TUBA1C: variants seen among roughly 807,000 people sequenced by gnomAD.
TUBA1C encodes tubulin alpha-1C chain.
A neutral mutation model predicts 34.9 loss-of-function variants in TUBA1C; 16 were observed. That is an observed-to-expected ratio of 0.46 (90% CI 0.31 to 0.70). TUBA1C has a LOEUF of 0.70. Among genes scored for constraint, TUBA1C ranks in the 30% least tolerant of loss-of-function variants. The pLI is 0.05. For synonymous variants in TUBA1C, 177 were observed against 215.9 expected (o/e 0.82, Z 1.58); for missense variants, 329 against 587.3 (o/e 0.56, Z 4.55).
rs141403445 is a variant in TUBA1C, at chr12:49,268,055, A to G, written c.4-1410A>G. Among the ~76,000 whole-genome samples the G allele has an allele frequency of 7.4e-3, 1,122 of 152,296 alleles. 17 individuals are homozygous for G. Among genetic ancestry groups the G allele is most frequent in the African/African-American group, 0.026 (1,081 of 41,544 alleles). ...GCTTTGGCCCCTCTGGCCTTTCTAA[A>G]TTAACTTGGTCCACCTCATAAATAT... On this transcript the variant is annotated intron_variant, in intron 1 of 3. Coordinates refer to ENST00000301072, the MANE Select transcript of TUBA1C (RefSeq NM_032704.5).
intron 3 of TUBA1C, 25 bp from the exon 4 acceptor site, chr12:49,272,206 TAAATGAAACTTTCGCAACACTA>T (rs1227657736): frequency 1.9e-6 from 3 of 1,554,884 alleles, no homozygotes; most frequent in African/African-American, 2.8e-5. Flanking sequence ...ATGTGAACAC[TAAATGAAACTTTCGCAACACTA>T]AAATGAAACT....
intron 1 of TUBA1C, among the ~76,000 whole-genome samples, chr12:49,248,741 G>A (rs757827645): frequency 3.3e-5 from 5 of 151,290 alleles, no homozygotes; most frequent in Non-Finnish European, 5.9e-5. Flanking sequence ...GGTGGCAGGC[G>A]CCTGTAGTCC....
At chr12:49,259,913 T>G (rs1942825822) in intron 1 of TUBA1C, among the ~76,000 whole-genome samples, 1 of 152,174 alleles carries the variant, frequency 6.6e-6, no homozygotes, top group South Asian at 2.1e-4. Context: ...AAGATTATCC[T>G]GAGATTCACA....
chr12:49,265,290 T>A (rs1395992887), intron 1 of TUBA1C, 106 bp downstream of exon 1: 1 of 878,298 alleles, frequency 1.1e-6, no homozygotes, highest in Non-Finnish European at 1.7e-6. Flanking sequence ...AGCTCCAGAC[T>A]ACCCCGGGCC....
chr12:49,260,412 G>A (rs1344160275), upstream of TUBA1C, among the ~76,000 whole-genome samples: 2 of 152,186 alleles, frequency 1.3e-5, no homozygotes, highest in Admixed American at 1.3e-4. Flanking sequence ...AAGAAAATGT[G>A]TAATTTCAGA....
In TUBA1C at chr12:49,236,233, C is replaced by G. The variant is rs190431538; in HGVS notation, c.213+8067C>G. 1.4e-3 allele frequency among the ~76,000 whole-genome samples: 212 copies of G among 152,310 alleles called. 1 individual carries two copies. Among genetic ancestry groups the G allele is most frequent in the African/African-American group, 4.9e-3 (205 of 41,570 alleles). On this transcript the variant is annotated intron_variant, in intron 1 of 3. Transcript: ENST00000541364. Reference sequence around the variant, plus strand: ...TCACATGAGGGTCTAAATGCATTAGCAAACACATTTATACATATACTTCAG... The same window carrying G: ...TCACATGAGGGTCTAAATGCATTAGGAAACACATTTATACATATACTTCAG...
At chr12:49,265,214 G>T (rs367928778) in intron 1 of TUBA1C, 30 bp downstream of exon 1, 1 of 1,584,490 alleles carries the variant, frequency 6.3e-7, no homozygotes. Flanking sequence ...GGCTGGGGAA[G>T]AGTGCGCGTC....
intron 1 of TUBA1C, among the ~76,000 whole-genome samples, chr12:49,247,330 G>A (rs1300800024): frequency 6.6e-6 from 1 of 151,586 alleles, no homozygotes; most frequent in African/African-American, 2.4e-5. Context: ...GCTGAGGTGG[G>A]TGGATCACCT....
At chr12:49,258,596 T>C (rs1023502044) in intron 1 of TUBA1C, among the ~76,000 whole-genome samples, 15 of 151,164 alleles carry the variant, frequency 9.9e-5, no homozygotes, top group African/African-American at 3.7e-4. Context: ...CCTGGCTAAT[T>C]TTTGTGTTTT....
intron 1 of TUBA1C, among the ~76,000 whole-genome samples, chr12:49,266,778 G>A (rs1024964960): frequency 6.6e-6 from 1 of 152,204 alleles, no homozygotes; most frequent in African/African-American, 2.4e-5. Flanking sequence ...GATCCCGGGA[G>A]GTGGAAGCTG....
At chr12:49,247,125 G>T (rs1942678021) in intron 1 of TUBA1C, among the ~76,000 whole-genome samples, 1 of 146,908 alleles carries the variant, frequency 6.8e-6, no homozygotes, top group African/African-American at 2.6e-5. Context: ...AGGCGATAGA[G>T]CAAGACTCCA....
Position 49,273,372 on chromosome 12 carries a change from G to T in TUBA1C, c.*145G>T. ...TTAAATACTTGATCCAGTTAAAGTT[G>T]GATGTATGAGGCTGGTAGATGAAAC... On this transcript the variant is annotated 3_prime_UTR_variant, in exon 4 of 4. Coordinates refer to ENST00000301072, the MANE Select transcript of TUBA1C (RefSeq NM_032704.5). The T allele has an allele frequency of 6.8e-7, 1 of 1,468,750 alleles. No individual in the cohort carries two copies. The highest frequency in any genetic ancestry group is 9.2e-7 in the Non-Finnish European group (1 of 1,081,606). 91.0% of individuals were successfully genotyped at this position (1,468,750 alleles called of 1,614,324 possible).
intron 1 of TUBA1C, chr12:49,257,936 G>T: frequency 5.9e-6 from 1 of 170,000 alleles, no homozygotes. Context: ...TTGGCTCACT[G>T]CAGCCTCCGC....
chr12:49,259,115 C>G (rs1565645974), intron 1 of TUBA1C, among the ~76,000 whole-genome samples: 1 of 152,138 alleles, frequency 6.6e-6, no homozygotes, highest in African/African-American at 2.4e-5. Flanking sequence ...ACCACTGACT[C>G]ACTAAGCAAC....
chr12:49,269,244 G>A (rs1942956013), intron 1 of TUBA1C, among the ~76,000 whole-genome samples: 2 of 151,910 alleles, frequency 1.3e-5, no homozygotes, highest in South Asian at 2.1e-4. Flanking sequence ...TGTATTTTTA[G>A]TAGAGATGCA....
chr12:49,272,647 C>T lies in TUBA1C; in HGVS notation c.770C>T (p.Thr257Ile). Reference sequence around the variant, plus strand: ...AATGTTGACCTGACAGAATTCCAGACCAACCTGGTGCCCTACCCCCGCATC... The same window carrying T: ...AATGTTGACCTGACAGAATTCCAGATCAACCTGGTGCCCTACCCCCGCATC... The part of the protein sequence containing the change: ...ALNVDLTEFQ[T>I]NLVPYPRIHF... Residue 257 changes from threonine to isoleucine, a missense_variant, in exon 4 of 4, where the codon ACC becomes ATC. This residue lies in a region of TUBA1C where 140 missense variants were observed against 289.8 expected (regional missense o/e 0.48). Transcript: ENST00000301072. 6.2e-7 allele frequency: 1 copy of T among 1,610,010 alleles called. No individual in the cohort carries two copies. Among genetic ancestry groups the T allele is most frequent in the Non-Finnish European group, 8.5e-7 (1 of 1,178,748 alleles).
chr12:49,256,089 A>G (rs902477439), intron 1 of TUBA1C, among the ~76,000 whole-genome samples: 1 of 152,194 alleles, frequency 6.6e-6, no homozygotes, highest in African/African-American at 2.4e-5. Context: ...TGGGTGAGAG[A>G]GTGAAACCCT....
At chr12:49,242,779 C>T (rs893470534) in intron 1 of TUBA1C, among the ~76,000 whole-genome samples, 1 of 152,024 alleles carries the variant, frequency 6.6e-6, no homozygotes, top group Admixed American at 6.6e-5. Context: ...TGAGCTACCG[C>T]GCCTGGCTCA....
At chr12:49,256,252 G>A (rs1416581678) in intron 1 of TUBA1C, 2 of 339,174 alleles carry the variant, frequency 5.9e-6, no homozygotes, top group African/African-American at 4.3e-5. Flanking sequence ...GGTGATCTCT[G>A]TTCCAGGATA....
Sources: allele counts gnomAD v4.1 joint callset (sites outside exome capture counted in the v4.1 genomes callset), GRCh38; gene constraint gnomAD v4.1.1; regional missense constraint gnomAD v4.1.1; transcripts MANE v1.5; gene names NCBI Gene and HGNC (gene_info 2026-07-23, HGNC 2026-07-21).